Variants in SNORC observed in about 807,000 individuals in gnomAD.
SNORC encodes secondary ossification center associated regulator of chondrocyte maturation.
In SNORC, 11 loss-of-function variants were observed where a neutral mutation model predicts 9.7. The ratio of observed to expected loss-of-function variants is 1.14; its 90% CI spans 0.72 to 1.88. The LOEUF is 1.88. Among genes scored for constraint, SNORC ranks in the 40% most tolerant of loss-of-function variants. The probability of loss-of-function intolerance (pLI) is 0.00; values close to 1 mark genes in which losing one functional copy is unlikely to be tolerated. For missense variants in SNORC, 197 were observed against 173.1 expected (o/e 1.14, Z -0.77); for synonymous variants, 108 against 88.7 (o/e 1.22, Z -1.22).
At chr2:232,866,563 A>G (rs527547026), upstream of SNORC, among the ~76,000 whole-genome samples, 3 of 152,346 alleles carry the variant, frequency 2.0e-5, no homozygotes, top group East Asian at 5.8e-4. Flanking sequence ...GTATTTACCA[A>G]GAATCTAAGT....
upstream of SNORC, among the ~76,000 whole-genome samples, chr2:232,866,979 G>A (rs534961301): frequency 6.6e-6 from 1 of 152,298 alleles, no homozygotes; most frequent in South Asian, 2.1e-4. Context: ...ATTCAGTAGA[G>A]ATGGGGTTTC....
rs747979694 is a variant in SNORC at position 232,876,271 on chromosome 2, C to A, written c.281C>A (p.Ala94Glu). Residue 94 changes from alanine to glutamate, a missense_variant, in exon 3 of 3, where the codon GCG becomes GAG. Physicochemically the swap from Ala to Glu is moderately radical, Grantham distance 107. Coordinates refer to ENST00000331342, the Ensembl canonical transcript of SNORC. This position sits in a 1 kb window ranked among gnomAD's most constrained non-coding sequence, Gnocchi z 6.8. The stretch of plus-strand genomic sequence containing the variant: ...GGGTCGCTGGGGCCCGGCGCTATCG[C>A]GGCCATCGTGATCGCCGCCCTGCTG... 10 of 1,522,778 alleles carry A rather than the reference C, an allele frequency of 6.6e-6. No homozygotes were observed. Among genetic ancestry groups the A allele is most frequent in the Non-Finnish European group, 7.0e-6 (8 of 1,140,246 alleles). The allele number at this position is 1,522,778 out of a possible 1,614,324, so 94.3% of individuals were successfully genotyped here.
chr2:232,875,212 G>T (rs1691177621), intron 1 of SNORC, among the ~76,000 whole-genome samples: 1 of 152,218 alleles, frequency 6.6e-6, no homozygotes, highest in Non-Finnish European at 1.5e-5. Flanking sequence ...AGTGGCAGGT[G>T]CCTGTAGTCC....
At position 232,876,389 on chromosome 2, in the gene SNORC, C is replaced by T. The variant is rs1026208942; in HGVS notation, c.*33C>T. 9.3e-6 allele frequency: 14 copies of T among 1,512,688 alleles called. No individual in the cohort carries two copies. The African/African-American group carries it at 1.6e-4, about 17-fold the overall frequency. 93.7% of individuals were successfully genotyped at this position (1,512,688 alleles called of 1,614,324 possible). A position where few individuals can be genotyped will look rare whatever the true frequency, so the allele number is the denominator to read the frequency against. On this transcript the variant is annotated 3_prime_UTR_variant, in exon 3 of 3. Coordinates refer to ENST00000331342, the Ensembl canonical transcript of SNORC. This position sits in a 1 kb window ranked among gnomAD's most constrained non-coding sequence, Gnocchi z 6.8. Reference sequence around the variant, plus strand: ...AAAGGGGCCGCGCCCGGCCGCGGCGCGACTCGGCTGCACTCCTCACGCGCC... The same window carrying T: ...AAAGGGGCCGCGCCCGGCCGCGGCGTGACTCGGCTGCACTCCTCACGCGCC...
downstream of SNORC, chr2:232,876,593 T>C (rs1047318455): frequency 4.5e-5 from 50 of 1,116,286 alleles, no homozygotes; most frequent in Non-Finnish European, 5.4e-5. The surrounding 1 kb of genome is among the most constrained non-coding windows in gnomAD (Gnocchi z 6.8). Flanking sequence ...GCGCACAGCA[T>C]GTCCGAGCCC....
At chr2:232,871,500 C>T (rs927007605) in intron 1 of SNORC, among the ~76,000 whole-genome samples, 16 of 152,152 alleles carry the variant, frequency 1.1e-4, no homozygotes, top group African/African-American at 2.9e-4. Flanking sequence ...TTCAGACGTG[C>T]GGAGCTTTTG....
intron 1 of SNORC, 139 bp from the exon 2 acceptor site, chr2:232,875,801 G>A (rs1023240107): frequency 3.2e-6 from 3 of 923,666 alleles, no homozygotes; most frequent in Non-Finnish European, 3.1e-6. Flanking sequence ...CTTAGCCTGG[G>A]AAATGTGAGG....
chr2:232,876,038 C>G lies in SNORC; in HGVS notation c.172C>G (p.Pro58Ala), dbSNP rs1284888757. The change falls in exon 2 of 3, where the codon CCC becomes GCC. Residue 58 changes from proline to alanine, a missense_variant. Pro to Ala is a conservative substitution (Grantham distance 27). Transcript: ENST00000331342. The surrounding 1 kb of genome is among the most constrained non-coding windows in gnomAD (Gnocchi z 6.8). ...GGAGAGCACCAGCCCCGGCCGGGAG[C>G]CCGTGGACACCGGTCCCCCAGCCCC... 2 of 1,543,034 alleles carry G rather than the reference C, an allele frequency of 1.3e-6. No homozygotes were observed. Among genetic ancestry groups the G allele is most frequent in the South Asian group, 1.2e-5 (1 of 84,154 alleles).
upstream of SNORC, among the ~76,000 whole-genome samples, chr2:232,868,372 C>A (rs1168135664): frequency 6.6e-6 from 1 of 152,178 alleles, no homozygotes; most frequent in African/African-American, 2.4e-5. Context: ...GCTGGGATTA[C>A]AGGCGGGAGC....
rs539005641 is a variant in SNORC at position 232,870,968 on chromosome 2, G to A, written c.73+554G>A. ...CCTCTGGACTGAGATCAGAGTGGCG[G>A]AGTCTGGGGTCCCACGAGAGGGAGG... On this transcript the variant is annotated intron_variant, in intron 1 of 2. Coordinates refer to ENST00000331342, the Ensembl canonical transcript of SNORC. 3.0e-4 allele frequency among the ~76,000 whole-genome samples: 45 copies of A among 152,336 alleles called. 1 individual carries two copies. The highest frequency in any genetic ancestry group is 9.9e-4 in the African/African-American group (41 of 41,574).
At chr2:232,866,653 A>G (rs1296785494), upstream of SNORC, among the ~76,000 whole-genome samples, 1 of 152,134 alleles carries the variant, frequency 6.6e-6, no homozygotes, top group Non-Finnish European at 1.5e-5. Context: ...TTGCACGCCT[A>G]TTAGGTTCAA....
chr2:232,875,571 G>A (rs1365289693), intron 1 of SNORC: 3 of 401,390 alleles, frequency 7.5e-6, no homozygotes, highest in Non-Finnish European at 1.5e-5. Context: ...GATACAGGGC[G>A]GGGGTTATCA....
chr2:232,874,386 C>G (rs951545307), intron 1 of SNORC, among the ~76,000 whole-genome samples: 1 of 152,238 alleles, frequency 6.6e-6, no homozygotes, highest in Non-Finnish European at 1.5e-5. Flanking sequence ...AAGCCACACC[C>G]TGTTCAAACT....
rs1231728688 is a variant in SNORC at position 232,876,288 on chromosome 2, G to A, written c.298G>A (p.Ala100Thr). Residue 100 changes from alanine (A) to threonine (T), a missense_variant, in exon 3 of 3, where the codon GCC becomes ACC. Physicochemically the swap from Ala to Thr is moderately conservative, Grantham distance 58 (BLOSUM62 0). Coordinates refer to ENST00000331342, the Ensembl canonical transcript of SNORC. This position sits in a 1 kb window ranked among gnomAD's most constrained non-coding sequence, Gnocchi z 6.8. ...CGCTATCGCGGCCATCGTGATCGCC[G>A]CCCTGCTGGCCACCTGCGTGGTGCT... 2 of 1,535,976 alleles carry A rather than the reference G, an allele frequency of 1.3e-6. No homozygotes were observed. Among genetic ancestry groups the A allele is most frequent in the Admixed American group, 2.0e-5 (1 of 49,984 alleles).
chr2:232,868,025 A>G (rs945662706), upstream of SNORC, among the ~76,000 whole-genome samples: 4 of 152,110 alleles, frequency 2.6e-5, no homozygotes, highest in Non-Finnish European at 5.9e-5. Flanking sequence ...GAGAACCTTG[A>G]TGCTCCATTA....
chr2:232,877,821 TTAAC>T (rs1160327913), downstream of SNORC: 1 of 152,236 alleles, frequency 6.6e-6, no homozygotes, highest in Non-Finnish European at 1.5e-5. Context: ...TCCTAATTGG[TTAAC>T]TGACTTCATC....
At chr2:232,876,692 C>T, downstream of SNORC, 1 of 994,478 alleles carries the variant, frequency 1.0e-6, no homozygotes, top group South Asian at 4.7e-5. The surrounding 1 kb of genome is among the most constrained non-coding windows in gnomAD (Gnocchi z 6.8). Context: ...AGGAGCGCGC[C>T]GCATGTGCGT....
upstream of SNORC, among the ~76,000 whole-genome samples, chr2:232,866,839 G>C (rs566399651): frequency 3.4e-4 from 52 of 152,268 alleles, no homozygotes; most frequent in Middle Eastern, 6.8e-3. Context: ...TCAGCCTCCT[G>C]AGTAACTGGG....
chr2:232,875,419 T>A, intron 1 of SNORC: 1 of 338,382 alleles, frequency 3.0e-6, no homozygotes, highest in Non-Finnish European at 6.4e-6. Flanking sequence ...CTGGCTGGGC[T>A]GGAGAGGCCA....
Sources: gnomAD v4.1 joint callset for allele counts (sites outside exome capture counted in the v4.1 genomes callset) on GRCh38, gnomAD v4.1.1 for gene constraint, Gnocchi (gnomAD v3.1) non-coding constraint, MANE v1.5 for transcripts, NCBI Gene and HGNC (gene_info 2026-07-23, HGNC 2026-07-21) for gene names.